The following CPNE1 variants were observed in gnomAD, a reference collection of about 807,000 sequenced individuals.
The protein encoded by CPNE1 is copine 1, also known as copine-1.
Under a neutral mutation model 63.2 loss-of-function variants are expected in CPNE1, and 58 were observed. The ratio of observed to expected loss-of-function variants is 0.92; its 90% CI spans 0.74 to 1.14. The LOEUF (loss-of-function observed/expected upper bound fraction) is 1.14, where lower values mean the gene tolerates loss of function less well. CPNE1 is among the 50% of genes most tolerant of loss of function. The probability of loss-of-function intolerance (pLI) is 0.00; values close to 1 mark genes in which losing one functional copy is unlikely to be tolerated. For synonymous variants in CPNE1, 237 were observed against 249.0 expected (o/e 0.95, Z 0.45); for missense variants, 672 against 661.7 (o/e 1.02, Z -0.17).
chr20:35,638,413 GTTAA>G (rs1172767262), intron 1 of CPNE1, among the ~76,000 whole-genome samples: 2 of 152,214 alleles, frequency 1.3e-5, no homozygotes, highest in Admixed American at 1.3e-4. Context: ...GATCCACAGC[GTTAA>G]TTATCAGGGA....
intron 1 of CPNE1, among the ~76,000 whole-genome samples, chr20:35,642,526 T>C (rs1022275264): frequency 1.5e-4 from 23 of 152,302 alleles, no homozygotes; most frequent in Non-Finnish European, 8.8e-5. Context: ...TGGAACATTG[T>C]TTCCCGTAAG....
rs754965752 is a variant in CPNE1 at position 35,632,551 on chromosome 20, T to C, written c.275A>G (p.Asp92Gly). 2 of 1,613,994 alleles carry C rather than the reference T, an allele frequency of 1.2e-6. No individual in the cohort carries two copies. The highest frequency in any genetic ancestry group is 8.5e-7 in the Non-Finnish European group (1 of 1,179,912). Residue 92 changes from aspartate to glycine, a missense_variant, in exon 3 of 16, where the codon GAC becomes GGC. By Grantham distance (94) the Asp-to-Gly change is moderately conservative. Transcript: ENST00000397443. Reference protein sequence around the residue: ...DNKTPELRDDDFLGGAECSLG... With the variant: ...DNKTPELRDDGFLGGAECSLG... ...GGAACACTCAGCACCCCCTAGGAAGTCATCATCCCTCAGCTCTGGCGTCTT... is the reference window on the plus strand; with the variant it reads ...GGAACACTCAGCACCCCCTAGGAAGCCATCATCCCTCAGCTCTGGCGTCTT...
intron 1 of CPNE1, among the ~76,000 whole-genome samples, chr20:35,663,280 T>G (rs908428571): frequency 1.3e-5 from 2 of 152,232 alleles, no homozygotes; most frequent in Non-Finnish European, 2.9e-5. Flanking sequence ...GATTTCCCTA[T>G]GTGTCCAGAC....
At chr20:35,642,157 C>G (rs1227498746) in intron 1 of CPNE1, among the ~76,000 whole-genome samples, 3 of 152,136 alleles carry the variant, frequency 2.0e-5, no homozygotes, top group African/African-American at 4.8e-5. Flanking sequence ...CTATTCATAA[C>G]CAAGAACAGA....
intron 1 of CPNE1, chr20:35,652,250 ATG>A (rs1188713937): frequency 9.5e-6 from 3 of 315,962 alleles, no homozygotes; most frequent in Non-Finnish European, 1.8e-5. Flanking sequence ...GATAAGCTTT[ATG>A]TGGTCATTTG....
chr20:35,653,870 T>C, intron 1 of CPNE1: 4 of 1,614,108 alleles, frequency 2.5e-6, no homozygotes, highest in Non-Finnish European at 3.4e-6. Flanking sequence ...AGAGCAGCCT[T>C]ATAGTCAGCC....
Position 35,630,939 on chromosome 20 carries a change from T to G in CPNE1, c.957A>C (p.Ala319=). The change falls in exon 11 of 16, where the codon GCA becomes GCC. Residue 319 remains alanine, a synonymous_variant. Coordinates refer to ENST00000397443, the MANE Select transcript of CPNE1 (RefSeq NM_152925.3). ...SPTGVNEYLM[A]LWSVGSVVQD... is the part of the protein sequence containing the mutation. ...GAACCACGCTGCCCACACTCCACAG[T>G]GCCATCAGGTACTCATTGACCCCTG... is the stretch of plus-strand genomic sequence containing the variant. 2 of 1,613,186 alleles carry G rather than the reference T, an allele frequency of 1.2e-6. No individual in the cohort carries two copies. The highest frequency in any genetic ancestry group is 1.7e-6 in the Non-Finnish European group (2 of 1,179,410).
chr20:35,655,269 G>A, intron 1 of CPNE1: 1 of 1,611,682 alleles, frequency 6.2e-7, no homozygotes, highest in East Asian at 2.2e-5. Flanking sequence ...AGTGGCGAAT[G>A]TCCATGGTCC....
At chr20:35,628,202 G>A (rs998433339) in intron 13 of CPNE1, among the ~76,000 whole-genome samples, 53 of 151,902 alleles carry the variant, frequency 3.5e-4, no homozygotes, top group Admixed American at 9.8e-4. Flanking sequence ...GGAGAATGGC[G>A]TGAACCCAGG....
intron 1 of CPNE1, chr20:35,652,505 T>A: frequency 6.3e-7 from 1 of 1,597,476 alleles, no homozygotes; most frequent in Non-Finnish European, 8.5e-7. Context: ...ATCTACCCTA[T>A]AAAAAATGAT....
intron 13 of CPNE1, among the ~76,000 whole-genome samples, chr20:35,628,737 C>A (rs2146277900): frequency 6.6e-6 from 1 of 152,334 alleles, no homozygotes; most frequent in South Asian, 2.1e-4. Flanking sequence ...CTGAGATTTT[C>A]TTTTGCTGTA....
chr20:35,630,951 C>G lies in CPNE1; in HGVS notation c.945G>C (p.Glu315Asp), dbSNP rs1275351183. The G allele has an allele frequency of 6.2e-7, 1 of 1,613,850 alleles. No homozygotes were observed. Among genetic ancestry groups the G allele is most frequent in the Admixed American group, 1.7e-5 (1 of 60,012 alleles). ...CCACACTCCACAGTGCCATCAGGTA[C>G]TCATTGACCCCTGTTGGACTCAGGT... ...LHYLSPTGVN[E>D]YLMALWSVGS... Residue 315 changes from glutamate to aspartate, a missense_variant, in exon 11 of 16, where the codon GAG becomes GAC. Physicochemically the swap from Glu to Asp is conservative, Grantham distance 45 (BLOSUM62 2). Coordinates refer to ENST00000397443, the MANE Select transcript of CPNE1 (RefSeq NM_152925.3).
At chr20:35,640,762 T>TA (rs1396370550) in intron 1 of CPNE1, among the ~76,000 whole-genome samples, 1 of 152,208 alleles carries the variant, frequency 6.6e-6, no homozygotes, top group African/African-American at 2.4e-5. Context: ...GCTCTACTGA[T>TA]ATCTGTTAAA....
chr20:35,658,800 AAAACACACACACAC>A (rs1331448789), intron 1 of CPNE1: 81 of 481,462 alleles, frequency 1.7e-4, no homozygotes, highest in Non-Finnish European at 2.7e-4. Context: ...CAAGCAAACA[AAAACACACACACAC>A]ACACACACAC....
chr20:35,626,743 C>T lies in CPNE1; in HGVS notation c.1297G>A (p.Glu433Lys). 1 of 1,614,180 alleles carries T rather than the reference C, an allele frequency of 6.2e-7. No homozygotes were observed. ...GAVTDVEATR[E>K]AVVRASNLPM... is the part of the protein sequence containing the mutation. ...AGGTTCGAGGCACGCACCACAGCCT[C>T]ACGTGTGGCTTCCACATCCGTCACA... The change falls in exon 15 of 16, where the codon GAG becomes AAG. Residue 433 changes from glutamate to lysine, a missense_variant. Transcript: ENST00000397443.
intron 13 of CPNE1, among the ~76,000 whole-genome samples, chr20:35,629,296 T>G (rs1009272170): frequency 4.6e-5 from 7 of 152,156 alleles, no homozygotes; most frequent in African/African-American, 1.7e-4. Context: ...AAATTAAAAT[T>G]TTAAAACCCA....
chr20:35,626,190 AGGGACCTCT>A lies in CPNE1; in HGVS notation c.*42_*50del, dbSNP rs967168283. On this transcript the variant is annotated 3_prime_UTR_variant, in exon 16 of 16. Coordinates refer to ENST00000397443, the MANE Select transcript of CPNE1 (RefSeq NM_152925.3). ...TGAGAAGGGTTGGGTTGTGGCCCAG[AGGGACCTCT>A]GGGACACAGGATTGAGGACTTGCCA... The A allele has an allele frequency of 3.1e-6, 5 of 1,603,280 alleles. No individual in the cohort carries two copies. The African/African-American group carries it at 5.4e-5, about 17-fold the overall frequency.
chr20:35,643,892 A>C (rs2032963923), intron 1 of CPNE1, among the ~76,000 whole-genome samples: 1 of 152,174 alleles, frequency 6.6e-6, no homozygotes, highest in African/African-American at 2.4e-5. Flanking sequence ...AATCCATGAC[A>C]GAAGACTGCT....
chr20:35,660,722 T>C (rs570327982), intron 1 of CPNE1, among the ~76,000 whole-genome samples: 2 of 152,218 alleles, frequency 1.3e-5, no homozygotes, highest in Admixed American at 6.5e-5. Context: ...TTTCTAGAAC[T>C]TGTAATAAAC....
Sources: gnomAD v4.1 joint callset for allele counts (sites outside exome capture counted in the v4.1 genomes callset) on GRCh38, gnomAD v4.1.1 for gene constraint, MANE v1.5 for transcripts, NCBI Gene and HGNC (gene_info 2026-07-23, HGNC 2026-07-21) for gene names.